Variants in NUCB2 observed in about 807,000 individuals in gnomAD.
NUCB2 encodes nucleobindin 2.
A neutral mutation model predicts 57.9 loss-of-function variants in NUCB2; 48 were observed. The ratio of observed to expected loss-of-function variants is 0.83; its 90% confidence interval spans 0.66 to 1.05. The LOEUF (loss-of-function observed/expected upper bound fraction) is 1.05, where lower values mean the gene tolerates loss of function less well. Ranked by LOEUF, NUCB2 falls within the 50% of genes least tolerant of loss-of-function variation. NUCB2 has a pLI of 0.00. For synonymous variants in NUCB2, 139 were observed against 152.1 expected, an observed-to-expected ratio of 0.91 and a Z score of 0.64; for missense variants, 442 against 476.2, an observed-to-expected ratio of 0.93 and a Z score of 0.67.
intron 11 of NUCB2, among the ~76,000 whole-genome samples, chr11:17,329,093 A>G (rs4582955): frequency 0.24 from 36,145 of 152,028 alleles, 4,995 homozygotes; most frequent in East Asian, 0.51. Context: ...CCTGGGAGCT[A>G]GGGCCTGGAA....
In NUCB2 at chr11:17,295,404, T is replaced by A. The variant is rs903336090; in HGVS notation, c.81T>A (p.Ile27=). Residue 27 remains isoleucine (I), a synonymous_variant, in exon 3 of 14, where the codon ATT becomes ATA. Coordinates refer to ENST00000529010, the MANE Select transcript of NUCB2 (RefSeq NM_005013.4). ...CLLTALEAVP[I]DIDKTKVQNI... is the part of the protein sequence containing the mutation. Reference sequence around the variant, plus strand: ...TTACTGCTCTTGAAGCTGTGCCTATTGACATAGACAAGACAAAAGTACAAA... The same window carrying A: ...TTACTGCTCTTGAAGCTGTGCCTATAGACATAGACAAGACAAAAGTACAAA... 6.2e-7 allele frequency: 1 copy of A among 1,613,418 alleles called. No homozygotes were observed. Among genetic ancestry groups the A allele is most frequent in the African/African-American group, 1.3e-5 (1 of 74,904 alleles).
downstream of NUCB2, among the ~76,000 whole-genome samples, chr11:17,336,708 C>T (rs1039430208): frequency 2.5e-5 from 3 of 119,874 alleles, no homozygotes; most frequent in South Asian, 2.7e-4. Context: ...GAGCCGAGAT[C>T]GCGCCACTGC....
chr11:17,301,760 A>G lies in NUCB2; in HGVS notation c.269A>G (p.Lys90Arg), dbSNP rs1946796577. The G allele has an allele frequency of 6.2e-7, 1 of 1,609,420 alleles. No individual in the cohort carries two copies. Among genetic ancestry groups the G allele is most frequent in the East Asian group, 2.2e-5 (1 of 44,856 alleles). Reference protein sequence around the residue: ...IEEIKSGRLSKELDLVSHHVR... With the variant: ...IEEIKSGRLSRELDLVSHHVR... ...TGTTAACAGAGTGGGAGGCTAAGCA[A>G]AGAACTGGATTTAGTAAGTCACCAT... The change falls in exon 5 of 14, where the codon AAA becomes AGA. Residue 90 changes from lysine to arginine, a missense_variant. Coordinates refer to ENST00000529010, the MANE Select transcript of NUCB2 (RefSeq NM_005013.4).
rs1375589442 is a variant in NUCB2, at chr11:17,288,552, C to CTTCTTTTTTTTT, written c.-1+5611_-1+5612insCTTTTTTTTTTT. 2.4e-3 allele frequency among the ~76,000 whole-genome samples: 245 copies of CTTCTTTTTTTTT among 101,158 alleles called. 3 individuals carry two copies. The highest frequency in any genetic ancestry group is 9.9e-3 in the African/African-American group (224 of 22,730). 66.4% of individuals were successfully genotyped at this position (101,158 alleles called of 152,430 possible). ...TCTTTTTCTTCTTCTTCTTCTTCTT[C>CTTCTTTTTTTTT]TTTTTTTTTTTTTTTTGAGACAGTC... is the stretch of plus-strand genomic sequence containing the variant. On this transcript the variant is annotated intron_variant, in intron 2 of 13. Coordinates refer to ENST00000529010, the MANE Select transcript of NUCB2 (RefSeq NM_005013.4).
chr11:17,313,852 C>T (rs777318535), intron 10 of NUCB2, among the ~76,000 whole-genome samples: 27 of 152,058 alleles, frequency 1.8e-4, no homozygotes, highest in Non-Finnish European at 3.4e-4. Context: ...TGGCCGTGTT[C>T]TCCTTTCTCG....
chr11:17,306,888 G>A (rs1205964977), intron 5 of NUCB2, among the ~76,000 whole-genome samples: 1 of 151,080 alleles, frequency 6.6e-6, no homozygotes, highest in Non-Finnish European at 1.5e-5. Context: ...CCCCAGCCTG[G>A]GTGACAGAGT....
intron 2 of NUCB2, among the ~76,000 whole-genome samples, chr11:17,339,660 TGTCCCTACAAA>T (rs1952092830): frequency 2.0e-5 from 3 of 152,062 alleles, no homozygotes; most frequent in Admixed American, 6.6e-5. Context: ...GCTTCATTCA[TGTCCCTACAAA>T]GGACATGAAC....
chr11:17,288,694 A>G (rs1350536299), intron 2 of NUCB2, among the ~76,000 whole-genome samples: 1 of 150,738 alleles, frequency 6.6e-6, no homozygotes, highest in African/African-American at 2.4e-5. Flanking sequence ...AGCTGGGACT[A>G]CAGGCATGCG....
chr11:17,289,238 G>A (rs1370155145), intron 2 of NUCB2, among the ~76,000 whole-genome samples: 12 of 152,078 alleles, frequency 7.9e-5, no homozygotes, highest in Admixed American at 2.6e-4. Flanking sequence ...CATTACAGGC[G>A]TGAGCCACCA....
intron 4 of NUCB2, among the ~76,000 whole-genome samples, chr11:17,299,701 C>T (rs1236911806): frequency 1.3e-5 from 2 of 151,842 alleles, no homozygotes; most frequent in African/African-American, 4.8e-5. Context: ...CTCAGAAGTT[C>T]GAGACCAGCC....
intron 11 of NUCB2, among the ~76,000 whole-genome samples, chr11:17,326,443 G>A (rs1216919954): frequency 2.1e-5 from 3 of 140,492 alleles, no homozygotes; most frequent in Non-Finnish European, 4.5e-5. Flanking sequence ...TCCCCCTCCC[G>A]AGTAGCTGGG....
intron 10 of NUCB2, among the ~76,000 whole-genome samples, chr11:17,314,975 C>T (rs1949031084): frequency 6.6e-6 from 1 of 152,074 alleles, no homozygotes; most frequent in Admixed American, 6.6e-5. Context: ...TTAATTTAAC[C>T]TCCTTTACTC....
At chr11:17,316,033 C>T (rs998276946) in intron 11 of NUCB2, among the ~76,000 whole-genome samples, 14 of 152,050 alleles carry the variant, frequency 9.2e-5, no homozygotes, top group African/African-American at 2.9e-4. Context: ...AGTGCAGTAG[C>T]GCGACCTTGG....
At chr11:17,313,064 C>T (rs1948743796) in intron 10 of NUCB2, among the ~76,000 whole-genome samples, 1 of 151,444 alleles carries the variant, frequency 6.6e-6, no homozygotes, top group Non-Finnish European at 1.5e-5. Flanking sequence ...CCCAGGCTGT[C>T]AGCTAACTTT....
chr11:17,317,977 T>TG (rs1468687678), intron 11 of NUCB2, among the ~76,000 whole-genome samples: 1 of 148,860 alleles, frequency 6.7e-6, no homozygotes, highest in Non-Finnish European at 1.5e-5. Context: ...AAGTCAGCTT[T>TG]TTTTTTTTTT....
chr11:17,295,371 A>T lies in NUCB2; in HGVS notation c.48A>T (p.Thr16=). The T allele has an allele frequency of 6.2e-7, 1 of 1,612,868 alleles. No homozygotes were observed. The highest frequency in any genetic ancestry group is 8.5e-7 in the Non-Finnish European group (1 of 1,179,092). The part of the protein sequence containing the change: ...ILLQYCFLLI[T]CLLTALEAVP... The stretch of plus-strand genomic sequence containing the variant: ...TACAGTATTGCTTTCTCTTGATTAC[A>T]TGTTTACTTACTGCTCTTGAAGCTG... The change falls in exon 3 of 14, where the codon ACA becomes ACT. Residue 16 remains threonine, a synonymous_variant. Transcript: ENST00000529010.
chr11:17,306,056 T>C (rs1327211560), intron 5 of NUCB2, among the ~76,000 whole-genome samples: 1 of 152,182 alleles, frequency 6.6e-6, no homozygotes, highest in Non-Finnish European at 1.5e-5. Context: ...GAAAATAAAA[T>C]CATAAAAGTA....
intron 4 of NUCB2, among the ~76,000 whole-genome samples, chr11:17,299,409 T>G (rs1197211132): frequency 4.6e-5 from 7 of 152,176 alleles, no homozygotes; most frequent in Admixed American, 4.6e-4. Flanking sequence ...TACTGCTCTT[T>G]TTGATTCTGT....
downstream of NUCB2, chr11:17,332,241 T>C (rs1280251157): frequency 6.6e-6 from 1 of 152,064 alleles, no homozygotes; most frequent in Non-Finnish European, 1.5e-5. Context: ...AACTGGACTT[T>C]CTCTGCTTGA....
Sources: allele counts gnomAD v4.1 joint callset (sites outside exome capture counted in the v4.1 genomes callset), GRCh38; gene constraint gnomAD v4.1.1; transcripts MANE v1.5; gene names NCBI Gene and HGNC (gene_info 2026-07-23, HGNC 2026-07-21).